The following STAG1 variants were observed in gnomAD, a reference collection of about 807,000 sequenced individuals.
STAG1 encodes the protein cohesin subunit SA-1.
STAG1 carries 26 observed loss-of-function variants against 170.9 expected under a neutral mutation model. The ratio of observed to expected loss-of-function variants is 0.15; its 90% confidence interval spans 0.11 to 0.21. STAG1 has a LOEUF of 0.21. Among genes scored for constraint, STAG1 ranks in the 10% least tolerant of loss-of-function variants. The probability of loss-of-function intolerance (pLI) is 1.00; values close to 1 mark genes in which losing one functional copy is unlikely to be tolerated. For missense variants in STAG1, 964 were observed against 1,509.5 expected, an observed-to-expected ratio of 0.64 and a Z score of 5.99; for synonymous variants, 514 against 497.7, an observed-to-expected ratio of 1.03 and a Z score of -0.44.
chr3:136,561,817 A>ATTT (rs62726661), intron 5 of STAG1, among the ~76,000 whole-genome samples: 1 of 147,034 alleles, frequency 6.8e-6, no homozygotes, highest in South Asian at 2.1e-4. Context: ...GGGTTAAAAC[A>ATTT]TTTTTTTTTT....
intron 6 of STAG1, among the ~76,000 whole-genome samples, chr3:136,541,141 T>C (rs73228016): frequency 0.058 from 8,778 of 152,168 alleles, 343 homozygotes; most frequent in Non-Finnish European, 0.087. Flanking sequence ...TGTGTTTGTA[T>C]GACGTTTTCC....
rs1234343433 is a variant in STAG1 at position 136,563,661 on chromosome 3, AAAC to A, written c.394+5101_394+5103del. 2.0e-3 allele frequency among the ~76,000 whole-genome samples: 294 copies of A among 149,096 alleles called. 3 individuals are homozygous for A. The highest frequency in any genetic ancestry group is 3.6e-3 in the African/African-American group (143 of 39,806). On this transcript the variant is annotated intron_variant, in intron 5 of 33. Transcript: ENST00000383202. Reference sequence around the variant, plus strand: ...CTTCTTTCTTACAAAAAAAAAAAAAAAACAACAACAACAAAGTTGCATACTGTA... The same window carrying A: ...CTTCTTTCTTACAAAAAAAAAAAAAAAACAACAACAAAGTTGCATACTGTA...
intron 1 of STAG1, among the ~76,000 whole-genome samples, chr3:136,665,663 C>T (rs1015621626): frequency 1.7e-4 from 26 of 151,306 alleles, no homozygotes; most frequent in Non-Finnish European, 2.9e-4. Context: ...GCCTGTAGTC[C>T]CAGCTACTGG....
intron 29 of STAG1, among the ~76,000 whole-genome samples, chr3:136,348,634 C>A (rs995922902): frequency 1.3e-5 from 2 of 151,988 alleles, no homozygotes; most frequent in African/African-American, 4.8e-5. Flanking sequence ...AAATTTCTGG[C>A]CTTAATTTCC....
chr3:136,639,784 TACA>T (rs1421092266), intron 1 of STAG1, among the ~76,000 whole-genome samples: 2 of 152,146 alleles, frequency 1.3e-5, no homozygotes, highest in East Asian at 1.9e-4. Flanking sequence ...AAGAAAAAAT[TACA>T]ACATTTAACA....
Position 136,422,763 on chromosome 3 carries a change from A to C in STAG1, c.1833+5T>G. 1 of 1,587,582 alleles carries C rather than the reference A, an allele frequency of 6.3e-7. No individual in the cohort carries two copies. The highest frequency in any genetic ancestry group is 8.6e-7 in the Non-Finnish European group (1 of 1,169,438). On this transcript the variant is annotated splice_donor_5th_base_variant and intron_variant, in intron 18 of 33. Coordinates refer to ENST00000383202, the MANE Select transcript of STAG1 (RefSeq NM_005862.3). The stretch of plus-strand genomic sequence containing the variant: ...AGCTGAATTTCAATTTCATAATATC[A>C]TTACCTTTTCCATTCTACCTGTGCT...
At chr3:136,554,453 G>A (rs976202870) in intron 5 of STAG1, among the ~76,000 whole-genome samples, 1 of 152,110 alleles carries the variant, frequency 6.6e-6, no homozygotes, top group African/African-American at 2.4e-5. Flanking sequence ...AGTTTTAAGG[G>A]CACATGAAAC....
chr3:136,407,931 A>G (rs892044972), intron 21 of STAG1, among the ~76,000 whole-genome samples: 5 of 152,098 alleles, frequency 3.3e-5, no homozygotes, highest in Non-Finnish European at 7.4e-5. Flanking sequence ...GTGCATGGTA[A>G]AATATCCAAC....
chr3:136,744,895 C>G (rs1001102443), intron 1 of STAG1, among the ~76,000 whole-genome samples: 2 of 152,082 alleles, frequency 1.3e-5, no homozygotes, highest in African/African-American at 4.8e-5. Flanking sequence ...ACACTGGTCT[C>G]CAACTTCTGA....
At chr3:136,750,927 T>C (rs1312228129) in intron 1 of STAG1, among the ~76,000 whole-genome samples, 2 of 152,232 alleles carry the variant, frequency 1.3e-5, no homozygotes, top group Non-Finnish European at 1.5e-5. Context: ...CTTCTGTATA[T>C]TTCCCTAAGT....
At chr3:136,604,592 AGT>A (rs1938843134) in intron 3 of STAG1, 119 bp from the exon 4 acceptor site, 1 of 923,998 alleles carries the variant, frequency 1.1e-6, no homozygotes, top group Non-Finnish European at 1.5e-6. Context: ...ATTTCTTCTC[AGT>A]AATTCAAAAA....
rs144919193 is a variant in STAG1 at position 136,644,967 on chromosome 3, C to T, written c.-83-13986G>A. 2.0e-3 allele frequency among the ~76,000 whole-genome samples: 300 copies of T among 152,176 alleles called. 2 individuals carry two copies. Among genetic ancestry groups the T allele is most frequent in the African/African-American group, 6.9e-3 (287 of 41,514 alleles). On this transcript the variant is annotated intron_variant, in intron 1 of 33. Coordinates refer to ENST00000383202, the MANE Select transcript of STAG1 (RefSeq NM_005862.3). ...CTGGTGTCGAACTGCTGAATTCAAG[C>T]AATCCTCCTACCTCGATCTCCCGAA...
At chr3:136,639,693 A>T (rs571034199) in intron 1 of STAG1, among the ~76,000 whole-genome samples, 110 of 152,342 alleles carry the variant, frequency 7.2e-4, no homozygotes, top group Non-Finnish European at 1.3e-3. Flanking sequence ...CAAAATAAGT[A>T]AGTTTGTATA....
At chr3:136,341,370 C>A in intron 31 of STAG1, 71 bp downstream of exon 31, 2 of 1,032,110 alleles carry the variant, frequency 1.9e-6, no homozygotes, top group Non-Finnish European at 3.0e-6. Context: ...TCAAAGAAAC[C>A]CAAGTCATTT....
At chr3:136,387,907 G>C (rs746793617) in intron 22 of STAG1, among the ~76,000 whole-genome samples, 28 of 152,210 alleles carry the variant, frequency 1.8e-4, no homozygotes, top group Non-Finnish European at 2.6e-4. Flanking sequence ...GGGAAAAGCA[G>C]TGACTGTTAG....
intron 4 of STAG1, among the ~76,000 whole-genome samples, chr3:136,583,900 C>T (rs1049175061): frequency 2.6e-5 from 4 of 152,108 alleles, no homozygotes; most frequent in Non-Finnish European, 5.9e-5. Flanking sequence ...TGCCCAAGAC[C>T]GTCCCAGTTA....
intron 5 of STAG1, among the ~76,000 whole-genome samples, chr3:136,563,895 T>C (rs555353964): frequency 1.2e-4 from 18 of 152,106 alleles, no homozygotes; most frequent in African/African-American, 3.6e-4. Context: ...TGGTGGTGCG[T>C]GTCTGTAATC....
At chr3:136,505,566 T>C (rs1177380013) in intron 7 of STAG1, among the ~76,000 whole-genome samples, 1 of 152,226 alleles carries the variant, frequency 6.6e-6, no homozygotes, top group Non-Finnish European at 1.5e-5. Context: ...AAACTAGTCA[T>C]TCATCATAGC....
intron 4 of STAG1, among the ~76,000 whole-genome samples, chr3:136,593,084 A>T (rs1938264877): frequency 6.6e-6 from 1 of 152,178 alleles, no homozygotes; most frequent in South Asian, 2.1e-4. Context: ...GGGCCTTTAA[A>T]TATCCTTTCT....
Sources: allele counts gnomAD v4.1 joint callset (sites outside exome capture counted in the v4.1 genomes callset), GRCh38; gene constraint gnomAD v4.1.1; transcripts MANE v1.5; gene names NCBI Gene and HGNC (gene_info 2026-07-23, HGNC 2026-07-21).